The following FARS2 variants were observed in gnomAD, a reference collection of about 807,000 sequenced individuals.
The protein encoded by FARS2 is phenylalanyl-tRNA synthetase 2, mitochondrial.
FARS2 carries 40 observed loss-of-function variants against 46.4 expected under a neutral mutation model. That is an observed-to-expected ratio of 0.86 (90% confidence interval 0.67 to 1.12). FARS2 has a LOEUF of 1.12. Ranked by LOEUF, FARS2 falls within the 50% of genes most tolerant of loss-of-function variation. The pLI is 0.00. For synonymous variants in FARS2, 234 were observed against 214.9 expected (o/e 1.09, Z -0.78); for missense variants, 513 against 567.9 (o/e 0.90, Z 0.98).
At chr6:5,656,608 TG>T (rs1777619045) in intron 6 of FARS2, among the ~76,000 whole-genome samples, 1 of 152,110 alleles carries the variant, frequency 6.6e-6, no homozygotes, top group Non-Finnish European at 1.5e-5. Flanking sequence ...TGGAGTGCTG[TG>T]GTACAATCTC....
intron 6 of FARS2, among the ~76,000 whole-genome samples, chr6:5,621,831 T>A (rs187176551): frequency 1.3e-5 from 2 of 152,360 alleles, no homozygotes; most frequent in African/African-American, 4.8e-5. Flanking sequence ...TCTTCAGAAC[T>A]GAGGGAAGGT....
intron 6 of FARS2, among the ~76,000 whole-genome samples, chr6:5,614,848 T>G (rs561363838): frequency 2.6e-4 from 39 of 152,358 alleles, no homozygotes; most frequent in African/African-American, 8.4e-4. Flanking sequence ...CAATAGTCCC[T>G]GAGCTCTCGC....
chr6:5,697,079 C>A (rs1354538393), intron 6 of FARS2, among the ~76,000 whole-genome samples: 1 of 151,960 alleles, frequency 6.6e-6, no homozygotes, highest in African/African-American at 2.4e-5. Context: ...TCCATGTATA[C>A]GTTAATACCT....
intron 6 of FARS2, among the ~76,000 whole-genome samples, chr6:5,714,036 G>T (rs1311028375): frequency 6.6e-6 from 1 of 152,184 alleles, no homozygotes; most frequent in Non-Finnish European, 1.5e-5. Flanking sequence ...GCAGCCCTGT[G>T]CAGAGAGCAC....
chr6:5,717,933 T>TAGAGAGAGAGAGAG (rs1195279552), intron 6 of FARS2, among the ~76,000 whole-genome samples: 2 of 128,230 alleles, frequency 1.6e-5, no homozygotes, highest in African/African-American at 3.9e-5. Context: ...TATATATATA[T>TAGAGAGAGAGAGAG]ATACAGAGTC....
chr6:5,267,110 T>C (rs1765599092), intron 1 of FARS2, among the ~76,000 whole-genome samples: 2 of 152,090 alleles, frequency 1.3e-5, no homozygotes, highest in Non-Finnish European at 2.9e-5. Flanking sequence ...GACAATTTAT[T>C]TTGTGTAAAG....
intron 6 of FARS2, among the ~76,000 whole-genome samples, chr6:5,714,653 C>T (rs1272230671): frequency 1.3e-5 from 2 of 151,982 alleles, no homozygotes; most frequent in Non-Finnish European, 2.9e-5. Flanking sequence ...TCCTAATGAC[C>T]GTGGTTTCTG....
At chr6:5,274,227 G>A (rs904685082) in intron 1 of FARS2, among the ~76,000 whole-genome samples, 1 of 152,164 alleles carries the variant, frequency 6.6e-6, no homozygotes, top group Non-Finnish European at 1.5e-5. Flanking sequence ...CATATCAACC[G>A]TACTTCTTCC....
intron 2 of FARS2, among the ~76,000 whole-genome samples, chr6:5,391,384 A>G (rs1412245796): frequency 6.6e-6 from 1 of 152,212 alleles, no homozygotes; most frequent in African/African-American, 2.4e-5. Flanking sequence ...AGTATGTAAG[A>G]TAAGCACTCA....
At chr6:5,385,220 C>T (rs2127677275) in intron 2 of FARS2, among the ~76,000 whole-genome samples, 1 of 152,282 alleles carries the variant, frequency 6.6e-6, no homozygotes, top group East Asian at 1.9e-4. Context: ...TAGAAATTAG[C>T]AGCTGAAATC....
At chr6:5,744,708 T>A (rs1425722463) in intron 6 of FARS2, among the ~76,000 whole-genome samples, 2 of 152,198 alleles carry the variant, frequency 1.3e-5, no homozygotes, top group Non-Finnish European at 2.9e-5. Flanking sequence ...ACAGGGCAAG[T>A]GTTCAGTGGC....
intron 1 of FARS2, among the ~76,000 whole-genome samples, chr6:5,341,379 G>A (rs1771641911): frequency 6.8e-6 from 1 of 147,564 alleles, no homozygotes; most frequent in African/African-American, 2.5e-5. Flanking sequence ...TGCCTACACT[G>A]CAAAACATCA....
At chr6:5,636,746 T>C (rs933070515) in intron 6 of FARS2, among the ~76,000 whole-genome samples, 1 of 152,198 alleles carries the variant, frequency 6.6e-6, no homozygotes, top group African/African-American at 2.4e-5. Context: ...AGGAGTAGCT[T>C]TCCACTACTT....
At chr6:5,325,263 C>G (rs1193455939) in intron 1 of FARS2, among the ~76,000 whole-genome samples, 1 of 152,164 alleles carries the variant, frequency 6.6e-6, no homozygotes, top group Non-Finnish European at 1.5e-5. Flanking sequence ...ATCCTGTGAG[C>G]CAGAGCACCT....
At chr6:5,270,797 C>T (rs1237880777) in intron 1 of FARS2, among the ~76,000 whole-genome samples, 2 of 152,150 alleles carry the variant, frequency 1.3e-5, no homozygotes, top group Non-Finnish European at 2.9e-5. Flanking sequence ...TTTTATTTTT[C>T]GCTTGCTGCT....
chr6:5,450,422 A>G (rs1308909527), intron 4 of FARS2, among the ~76,000 whole-genome samples: 1 of 151,654 alleles, frequency 6.6e-6, no homozygotes, highest in Non-Finnish European at 1.5e-5. Flanking sequence ...GCCAAGTGGT[A>G]GGCATTTGGG....
At chr6:5,468,859 T>G (rs1041503426) in intron 4 of FARS2, among the ~76,000 whole-genome samples, 18 of 152,234 alleles carry the variant, frequency 1.2e-4, no homozygotes, top group African/African-American at 4.1e-4. Context: ...GAGATGTTCC[T>G]GGATAGTCAT....
At chr6:5,622,039 T>C (rs892500867) in intron 6 of FARS2, among the ~76,000 whole-genome samples, 1 of 152,268 alleles carries the variant, frequency 6.6e-6, no homozygotes, top group Non-Finnish European at 1.5e-5. Flanking sequence ...CCTGACTGAC[T>C]GAGCTAAACA....
At chr6:5,377,857 G>T (rs1759483193) in intron 2 of FARS2, among the ~76,000 whole-genome samples, 1 of 152,040 alleles carries the variant, frequency 6.6e-6, no homozygotes, top group South Asian at 2.1e-4. Flanking sequence ...CCTGTACTTG[G>T]CAAAATAAAG....
Sources: gnomAD v4.1 joint callset for allele counts (sites outside exome capture counted in the v4.1 genomes callset) on GRCh38, gnomAD v4.1.1 for gene constraint, MANE v1.5 for transcripts, NCBI Gene and HGNC (gene_info 2026-07-23, HGNC 2026-07-21) for gene names.